GAP43: variants seen among roughly 807,000 people sequenced by gnomAD.
GAP43 encodes neuromodulin.
GAP43 carries 6 observed loss-of-function variants against 18.6 expected under a neutral mutation model. The ratio of observed to expected loss-of-function variants is 0.32; its 90% CI spans 0.18 to 0.64. GAP43 has a LOEUF of 0.64. Among genes scored for constraint, GAP43 ranks in the 30% least tolerant of loss-of-function variants. The probability of loss-of-function intolerance (pLI) is 0.78; values close to 1 mark genes in which losing one functional copy is unlikely to be tolerated. For missense variants in GAP43, 292 were observed against 295.5 expected, an observed-to-expected ratio of 0.99 and a Z score of 0.09; for synonymous variants, 115 against 111.4, an observed-to-expected ratio of 1.03 and a Z score of -0.20.
chr3:115,698,133 T>TATATAAA lies in GAP43; in HGVS notation c.628+21528_628+21529insAAATATA, dbSNP rs1709233768. 4.6e-3 allele frequency among the ~76,000 whole-genome samples: 43 copies of TATATAAA among 9,408 alleles called. 2 individuals are homozygous for TATATAAA. The highest frequency in any genetic ancestry group is 0.01 in the Admixed American group (3 of 300). The allele number at this position is 9,408 out of a possible 152,430, so 6.2% of individuals were successfully genotyped here. A position where few individuals can be genotyped will look rare whatever the true frequency, so the allele number is the denominator to read the frequency against. On this transcript the variant is annotated intron_variant, in intron 2 of 2. Transcript: ENST00000305124. Reference sequence around the variant, plus strand: ...AATATATAATATATATTATATATAATATATATAATATATATTATATATAAT... The same window carrying TATATAAA: ...AATATATAATATATATTATATATAATATATAAAATATATAATATATATTATATATAAT...
At chr3:115,695,608 C>A (rs1213625739) in intron 2 of GAP43, among the ~76,000 whole-genome samples, 1 of 152,170 alleles carries the variant, frequency 6.6e-6, no homozygotes, top group African/African-American at 2.4e-5. Flanking sequence ...ATTTGGGAAA[C>A]ACATTCAAAG....
At chr3:115,624,263 T>C (rs1708155414) in intron 1 of GAP43, among the ~76,000 whole-genome samples, 1 of 151,648 alleles carries the variant, frequency 6.6e-6, no homozygotes, top group African/African-American at 2.4e-5. Context: ...ATTTAGTATT[T>C]ATTTTTCAAT....
At chr3:115,692,581 G>A (rs1257649671) in intron 2 of GAP43, among the ~76,000 whole-genome samples, 1 of 152,152 alleles carries the variant, frequency 6.6e-6, no homozygotes, top group East Asian at 1.9e-4. Context: ...TAGTGGGTAG[G>A]GTCTGAAGAA....
At chr3:115,666,730 CAT>C (rs1708738435) in intron 1 of GAP43, among the ~76,000 whole-genome samples, 1 of 152,158 alleles carries the variant, frequency 6.6e-6, no homozygotes, top group South Asian at 2.1e-4. Flanking sequence ...CAAACTTACA[CAT>C]GTCTAACTCC....
At chr3:115,683,133 G>A (rs113761521) in intron 2 of GAP43, among the ~76,000 whole-genome samples, 17 of 88,016 alleles carry the variant, frequency 1.9e-4, no homozygotes, top group South Asian at 7.9e-4. Context: ...GTGCGCGCGC[G>A]TGCGCGCGCG....
chr3:115,675,559 G>C (rs1475281869), intron 1 of GAP43, among the ~76,000 whole-genome samples: 4 of 152,104 alleles, frequency 2.6e-5, no homozygotes, highest in African/African-American at 9.6e-5. Flanking sequence ...TCAGGAGTTT[G>C]AGACCAGCCT....
At chr3:115,628,407 C>T (rs911537003) in intron 1 of GAP43, among the ~76,000 whole-genome samples, 10 of 152,106 alleles carry the variant, frequency 6.6e-5, no homozygotes, top group African/African-American at 2.4e-4. Context: ...CTCTGTCTCA[C>T]TCTCCCTTTA....
intron 2 of GAP43, among the ~76,000 whole-genome samples, chr3:115,679,904 A>C (rs1354858175): frequency 6.6e-6 from 1 of 152,064 alleles, no homozygotes; most frequent in Admixed American, 6.5e-5. Flanking sequence ...GCTGCATTTT[A>C]TTTTCATGGT....
intron 1 of GAP43, among the ~76,000 whole-genome samples, chr3:115,651,547 T>G (rs961308575): frequency 2.6e-5 from 4 of 152,226 alleles, no homozygotes; most frequent in East Asian, 3.8e-4. Context: ...TCAGTTCATA[T>G]GTACATTTCT....
chr3:115,700,190 T>C (rs954026477), intron 2 of GAP43, among the ~76,000 whole-genome samples: 2 of 152,222 alleles, frequency 1.3e-5, no homozygotes, highest in African/African-American at 4.8e-5. Flanking sequence ...CTTTGTGTGA[T>C]GGATCAGGAC....
Position 115,676,313 on chromosome 3 carries a change from G to A in GAP43, c.331G>A (p.Glu111Lys), listed in dbSNP as rs267599554. The A allele has an allele frequency of 6.2e-7, 1 of 1,614,148 alleles. No individual in the cohort carries two copies. Among genetic ancestry groups the A allele is most frequent in the Non-Finnish European group, 8.5e-7 (1 of 1,180,016 alleles). ...PGKAGETPSE[E>K]KKGEGDAATE... ...CAAAGCAGGAGAAACTCCTTCCGAG[G>A]AGAAGAAGGGGGAGGGTGATGCTGC... Residue 111 changes from glutamate (E) to lysine (K), a missense_variant, in exon 2 of 3, where the codon GAG (glutamate) becomes AAG (lysine). By Grantham distance (56) the Glu-to-Lys change is moderately conservative. Coordinates refer to ENST00000305124, the MANE Select transcript of GAP43 (RefSeq NM_002045.4).
At chr3:115,720,741 C>G in intron 2 of GAP43, 53 bp from the exon 3 acceptor site, 1 of 1,262,356 alleles carries the variant, frequency 7.9e-7, no homozygotes, top group East Asian at 2.3e-5. Flanking sequence ...GCAGATAAGA[C>G]AAAATACTAA....
At chr3:115,663,500 A>G (rs1708693129) in intron 1 of GAP43, 1 of 1,176,336 alleles carries the variant, frequency 8.5e-7, no homozygotes, top group South Asian at 3.0e-5. Flanking sequence ...GCTCTCTGAT[A>G]TTTTTCTCTT....
intron 2 of GAP43, among the ~76,000 whole-genome samples, chr3:115,713,363 A>G (rs1709464750): frequency 6.6e-6 from 1 of 152,212 alleles, no homozygotes; most frequent in South Asian, 2.1e-4. Context: ...AGAGCTGGGC[A>G]GGTCCCAAGA....
chr3:115,663,955 G>A (rs749461861), intron 1 of GAP43: 1 of 1,543,406 alleles, frequency 6.5e-7, no homozygotes, highest in South Asian at 1.2e-5. Context: ...AAGTATTTTA[G>A]GTTAAAACCC....
intron 2 of GAP43, among the ~76,000 whole-genome samples, chr3:115,704,597 A>G (rs1397442383): frequency 6.6e-6 from 1 of 152,142 alleles, no homozygotes; most frequent in Non-Finnish European, 1.5e-5. Context: ...AAGCAAAATT[A>G]TATTGAATTA....
At chr3:115,699,847 A>G (rs538962013) in intron 2 of GAP43, among the ~76,000 whole-genome samples, 48 of 152,302 alleles carry the variant, frequency 3.2e-4, no homozygotes, top group Non-Finnish European at 5.9e-4. Context: ...CATTTTCAGG[A>G]TAGAGCTTGA....
intron 1 of GAP43, among the ~76,000 whole-genome samples, chr3:115,667,864 T>C (rs1708753633): frequency 6.6e-6 from 1 of 152,214 alleles, no homozygotes; most frequent in Non-Finnish European, 1.5e-5. Flanking sequence ...AGCTGAGTGA[T>C]GGGGAGTTCC....
intron 2 of GAP43, among the ~76,000 whole-genome samples, chr3:115,702,558 T>A (rs935170320): frequency 2.6e-5 from 4 of 152,154 alleles, no homozygotes; most frequent in Admixed American, 2.6e-4. Flanking sequence ...GTTAAGGAGA[T>A]GATTTTACTT....
Sources: allele counts gnomAD v4.1 joint callset (sites outside exome capture counted in the v4.1 genomes callset), GRCh38; gene constraint gnomAD v4.1.1; transcripts MANE v1.5; gene names NCBI Gene and HGNC (gene_info 2026-07-23, HGNC 2026-07-21).